The following TPD52L2 variants were observed in gnomAD, a reference collection of about 807,000 sequenced individuals.
The protein encoded by TPD52L2 is TPD52 like 2, also known as tumor protein D54.
A neutral mutation model predicts 24.7 loss-of-function variants in TPD52L2; 19 were observed. The observed-to-expected ratio is 0.77, with a 90% CI of 0.54 to 1.13. The LOEUF (loss-of-function observed/expected upper bound fraction) is 1.13. Among genes scored for constraint, TPD52L2 ranks in the 50% most tolerant of loss-of-function variants. The pLI is 0.00. For missense variants in TPD52L2, 236 were observed against 250.4 expected (o/e 0.94, Z 0.39); for synonymous variants, 104 against 100.2 (o/e 1.04, Z -0.23).
chr20:63,867,266 T>C (rs1023344403), intron 1 of TPD52L2, among the ~76,000 whole-genome samples: 1 of 152,198 alleles, frequency 6.6e-6, no homozygotes, highest in Non-Finnish European at 1.5e-5. Context: ...ATTTGTCTTT[T>C]TTTAAATAGA....
intron 3 of TPD52L2, 26 bp downstream of exon 3, chr20:63,873,842 C>A: frequency 6.8e-7 from 1 of 1,477,182 alleles, no homozygotes; most frequent in Non-Finnish European, 9.0e-7. Flanking sequence ...AGGCGCACCC[C>A]TGGGGGCTGA....
chr20:63,870,201 T>C (rs919521148), intron 2 of TPD52L2, among the ~76,000 whole-genome samples: 2 of 152,226 alleles, frequency 1.3e-5, no homozygotes, highest in Non-Finnish European at 2.9e-5. Context: ...TTAAGAGTAA[T>C]GTAGGAATTA....
At chr20:63,871,498 C>G (rs566140233) in intron 2 of TPD52L2, among the ~76,000 whole-genome samples, 1 of 147,420 alleles carries the variant, frequency 6.8e-6, no homozygotes, top group Non-Finnish European at 1.5e-5. Flanking sequence ...TACAGGCGCA[C>G]AGCACCATGC....
chr20:63,873,811 T>C lies in TPD52L2; in HGVS notation c.309T>C (p.Ser103=), dbSNP rs780526824. 2.6e-6 allele frequency: 4 copies of C among 1,548,120 alleles called. No individual in the cohort carries two copies. The highest frequency in any genetic ancestry group is 3.5e-6 in the Non-Finnish European group (4 of 1,151,976). ...LSRSWHDVQV[S]SAYVKTSEKL... ...GGAGCTGGCATGACGTGCAGGTCTC[T>C]AGCGCGTAGGTACCTGCCCCAGGCG... Residue 103 remains serine (S), a synonymous_variant, in exon 3 of 7, where the codon TCT becomes TCC. Transcript: ENST00000346249.
chr20:63,891,290 C>G lies in TPD52L2; in HGVS notation c.*1345C>G, dbSNP rs1270772641. 6.6e-6 allele frequency: 1 copy of G among 152,596 alleles called. No individual in the cohort carries two copies. Among genetic ancestry groups the G allele is most frequent in the African/African-American group, 2.4e-5 (1 of 41,408 alleles). 9.5% of individuals were successfully genotyped at this position (152,596 alleles called of 1,614,324 possible). A position where few individuals can be genotyped will look rare whatever the true frequency, so the allele number is the denominator to read the frequency against. Reference sequence around the variant, plus strand: ...GCTGCTCAGCTCAAGGTGTCCTGTTCGGTAGAGCAAGTGTCCTCTGACAGC... The same window carrying G: ...GCTGCTCAGCTCAAGGTGTCCTGTTGGGTAGAGCAAGTGTCCTCTGACAGC... On this transcript the variant is annotated 3_prime_UTR_variant, in exon 7 of 7. Coordinates refer to ENST00000346249, the MANE Select transcript of TPD52L2 (RefSeq NM_003288.4). The surrounding 1 kb of genome is among the most constrained non-coding windows in gnomAD (Gnocchi z 4.7).
intron 1 of TPD52L2, among the ~76,000 whole-genome samples, chr20:63,866,758 CTTTTTTTTTT>C (rs773870171): frequency 8.0e-6 from 1 of 124,520 alleles, no homozygotes; most frequent in Non-Finnish European, 1.7e-5. Flanking sequence ...CGCGCCTGGC[CTTTTTTTTTT>C]TTTTTTTTAA....
Position 63,869,294 on chromosome 20 carries a change from A to G in TPD52L2, c.20-2A>G. ...TTTGTGGCCTCATTTTGTCTCTGGCAGATATCAACCTGAATTCTCCTAACA... is the reference window on the plus strand; with the variant it reads ...TTTGTGGCCTCATTTTGTCTCTGGCGGATATCAACCTGAATTCTCCTAACA... On this transcript the variant is annotated splice_acceptor_variant, in intron 1 of 6. Coordinates refer to ENST00000346249, the MANE Select transcript of TPD52L2 (RefSeq NM_003288.4). LOFTEE classifies it high-confidence loss of function. The G allele has an allele frequency of 1.2e-6, 2 of 1,614,140 alleles. No homozygotes were observed. The highest frequency in any genetic ancestry group is 1.7e-6 in the Non-Finnish European group (2 of 1,179,968).
At chr20:63,873,588 A>G in intron 2 of TPD52L2, 80 bp from the exon 3 acceptor site, 2 of 1,479,674 alleles carry the variant, frequency 1.4e-6, no homozygotes, top group Non-Finnish European at 1.8e-6. Context: ...GTTCTTGTGT[A>G]ACTCATGGCA....
At chr20:63,876,951 A>G (rs1346660043) in intron 4 of TPD52L2, 6 of 454,122 alleles carry the variant, frequency 1.3e-5, no homozygotes, top group African/African-American at 6.0e-5. Flanking sequence ...GGGCATGGCT[A>G]CAGCAGCCAG....
intron 1 of TPD52L2, among the ~76,000 whole-genome samples, chr20:63,868,670 A>T (rs1351557630): frequency 6.6e-6 from 1 of 152,200 alleles, no homozygotes; most frequent in Non-Finnish European, 1.5e-5. Context: ...TTGTCAGGGT[A>T]TGGTGGCTCA....
intron 4 of TPD52L2, chr20:63,876,730 G>A (rs2052693302): frequency 2.2e-6 from 1 of 455,864 alleles, no homozygotes; most frequent in African/African-American, 2.0e-5. Flanking sequence ...GGCTGGCACT[G>A]CGTGCACATG....
intron 5 of TPD52L2, chr20:63,888,200 A>G (rs897827046): frequency 1.2e-4 from 19 of 155,982 alleles, no homozygotes; most frequent in Non-Finnish European, 2.0e-4. Context: ...GCTGGCCTCT[A>G]GAGTCCCCGG....
intron 2 of TPD52L2, among the ~76,000 whole-genome samples, chr20:63,870,513 A>T (rs926806398): frequency 1.3e-5 from 2 of 150,400 alleles, no homozygotes; most frequent in African/African-American, 4.9e-5. Flanking sequence ...AATTACAATA[A>T]GGTGAAGTTT....
chr20:63,887,369 G>T (rs1270620822), intron 5 of TPD52L2: 17 of 717,226 alleles, frequency 2.4e-5, no homozygotes, highest in Admixed American at 9.8e-5. Flanking sequence ...AACTTGGGGT[G>T]CCCCCCATGA....
intron 1 of TPD52L2, among the ~76,000 whole-genome samples, chr20:63,866,903 C>T (rs1428766354): frequency 6.6e-6 from 1 of 151,586 alleles, no homozygotes; most frequent in African/African-American, 2.4e-5. Context: ...TCCCAGGTAG[C>T]TGGGACTATA....
rs11556473 is a variant in TPD52L2, at chr20:63,890,304, A to G, written c.*359A>G. 28,011 of 352,752 alleles carry G rather than the reference A, an allele frequency of 0.079. 1,486 individuals carry two copies. Among genetic ancestry groups the G allele is most frequent in the Middle Eastern group, 0.12 (157 of 1,350 alleles). The allele number at this position is 352,752 out of a possible 1,614,324, so 21.9% of individuals were successfully genotyped here. ...GTTGAAGGATTGAAGAGTTCTAAGC[A>G]TAAAATAAGTGGCATTTTCTGACTT... On this transcript the variant is annotated 3_prime_UTR_variant, in exon 7 of 7. Transcript: ENST00000346249.
intron 4 of TPD52L2, among the ~76,000 whole-genome samples, chr20:63,881,461 G>A (rs1436950474): frequency 6.6e-6 from 1 of 152,206 alleles, no homozygotes; most frequent in Non-Finnish European, 1.5e-5. Flanking sequence ...CACACTTGGT[G>A]GGTCACACAC....
At chr20:63,885,572 G>C (rs917602849) in intron 5 of TPD52L2, among the ~76,000 whole-genome samples, 2 of 152,224 alleles carry the variant, frequency 1.3e-5, no homozygotes, top group African/African-American at 4.8e-5. Flanking sequence ...ACGTGATTTG[G>C]GGAACACGGG....
chr20:63,883,512 C>T (rs750234889), intron 5 of TPD52L2, among the ~76,000 whole-genome samples: 23 of 152,182 alleles, frequency 1.5e-4, no homozygotes, highest in Non-Finnish European at 2.6e-4. Context: ...GCCTCAGGCA[C>T]GCCTTCTTTC....
Sources: gnomAD v4.1 joint callset for allele counts (sites outside exome capture counted in the v4.1 genomes callset) on GRCh38, gnomAD v4.1.1 for gene constraint, Gnocchi (gnomAD v3.1) non-coding constraint, MANE v1.5 for transcripts, NCBI Gene and HGNC (gene_info 2026-07-23, HGNC 2026-07-21) for gene names.